Variants in DCAF12 observed in about 807,000 individuals in gnomAD.
The protein encoded by DCAF12 is DDB1- and CUL4-associated factor 12.
A neutral mutation model predicts 52.8 loss-of-function variants in DCAF12; 28 were observed. That is an observed-to-expected ratio of 0.53 (90% CI 0.39 to 0.73). The LOEUF is 0.73. Among genes scored for constraint, DCAF12 ranks in the 30% least tolerant of loss-of-function variants. The probability of loss-of-function intolerance (pLI) is 0.00; values close to 1 mark genes in which losing one functional copy is unlikely to be tolerated. For synonymous variants in DCAF12, 196 were observed against 215.5 expected, an observed-to-expected ratio of 0.91 and a Z score of 0.79; for missense variants, 425 against 552.2, an observed-to-expected ratio of 0.77 and a Z score of 2.31.
chr9:34,097,717 G>A (rs1828757434), intron 5 of DCAF12, among the ~76,000 whole-genome samples: 1 of 152,062 alleles, frequency 6.6e-6, no homozygotes, highest in Non-Finnish European at 1.5e-5. Context: ...TGGATCAACT[G>A]AGGTCAGGAG....
At chr9:34,088,829 GT>G (rs1380801046) in intron 8 of DCAF12, among the ~76,000 whole-genome samples, 6 of 152,170 alleles carry the variant, frequency 3.9e-5, no homozygotes. Flanking sequence ...TTCACTGGAG[GT>G]GGGGCGCAGT....
In DCAF12 at chr9:34,088,163, C is replaced by A; in HGVS notation, c.*187G>T. On this transcript the variant is annotated 3_prime_UTR_variant, in exon 9 of 9. Transcript: ENST00000361264. Reference sequence around the variant, plus strand: ...AAATTTTGATTACCAAAGGGGAAAACAAAAAGCAAAACAACTTTCAGATTT... The same window carrying A: ...AAATTTTGATTACCAAAGGGGAAAAAAAAAAGCAAAACAACTTTCAGATTT... 2.0e-6 allele frequency: 1 copy of A among 501,588 alleles called. No individual in the cohort carries two copies. The highest frequency in any genetic ancestry group is 3.2e-6 in the Non-Finnish European group (1 of 310,618). 31.1% of individuals were successfully genotyped at this position (501,588 alleles called of 1,614,324 possible). A position where few individuals can be genotyped will look rare whatever the true frequency, so the allele number is the denominator to read the frequency against.
intron 4 of DCAF12, among the ~76,000 whole-genome samples, chr9:34,105,028 C>T (rs1008934969): frequency 6.6e-6 from 1 of 150,712 alleles, no homozygotes; most frequent in Admixed American, 6.6e-5. Context: ...CCGAGGCAGG[C>T]GAATCACTGA....
In DCAF12 at chr9:34,107,394, G is replaced by T. The variant is rs767486773; in HGVS notation, c.505C>A (p.Arg169=). The T allele has an allele frequency of 1.9e-6, 3 of 1,614,116 alleles. No homozygotes were observed. The highest frequency in any genetic ancestry group is 3.3e-5 in the Admixed American group (2 of 59,994). ...GDNPNSLAIY[R]LPTLDPVCVG... ...CACACAGGATCCAGCGTAGGTAGTC[G>T]ATAGATGGCAAGACTGTTGGGGTTG... The change falls in exon 3 of 9, where the codon CGA becomes AGA. Residue 169 remains arginine (R), a synonymous_variant. Coordinates refer to ENST00000361264, the MANE Select transcript of DCAF12 (RefSeq NM_015397.4).
intron 7 of DCAF12, 40 bp from the exon 8 acceptor site, chr9:34,089,630 A>G: frequency 7.7e-6 from 12 of 1,552,002 alleles, no homozygotes; most frequent in South Asian, 1.2e-5. Context: ...GGCGGGAGAG[A>G]ATATTTGCTG....
In DCAF12 at chr9:34,125,077, A is replaced by G. The variant is rs763631249; in HGVS notation, c.279T>C (p.Phe93=). ...GCCTATGATTCAACCACTGAGATGC[A>G]AACACTTTATTAAGGGTCCCAAGGT... ...EFHLGTLNKV[F]ASQWLNHRQV... is the part of the protein sequence containing the mutation. Residue 93 remains phenylalanine (F), a synonymous_variant, in exon 2 of 9, where the codon TTT becomes TTC. Coordinates refer to ENST00000361264, the MANE Select transcript of DCAF12 (RefSeq NM_015397.4). 21 of 1,614,054 alleles carry G rather than the reference A, an allele frequency of 1.3e-5. No homozygotes were observed. Among genetic ancestry groups the G allele is most frequent in the Non-Finnish European group, 1.8e-5 (21 of 1,180,024 alleles).
chr9:34,092,762 C>T (rs114707756), intron 7 of DCAF12, among the ~76,000 whole-genome samples: 26 of 152,220 alleles, frequency 1.7e-4, no homozygotes, highest in African/African-American at 5.3e-4. Context: ...AATATCCTGA[C>T]TGGTGGCTCC....
chr9:34,121,719 C>T (rs1328981930), intron 2 of DCAF12, among the ~76,000 whole-genome samples: 7 of 152,140 alleles, frequency 4.6e-5, no homozygotes, highest in Non-Finnish European at 8.8e-5. Flanking sequence ...CCAAGGCAGG[C>T]GGATCACGAG....
At chr9:34,119,255 T>C (rs1385359896) in intron 2 of DCAF12, among the ~76,000 whole-genome samples, 2 of 152,182 alleles carry the variant, frequency 1.3e-5, no homozygotes, top group Non-Finnish European at 2.9e-5. Context: ...GAAATAACAG[T>C]TTTAAAAGAT....
At position 34,126,377 on chromosome 9, in the gene DCAF12, C is replaced by T. The variant is rs1250208179; in HGVS notation, c.55G>A (p.Gly19Arg). 1 of 1,612,260 alleles carries T rather than the reference C, an allele frequency of 6.2e-7. No homozygotes were observed. The highest frequency in any genetic ancestry group is 1.7e-5 in the Admixed American group (1 of 60,002). Residue 19 changes from glycine to arginine, a missense_variant, in exon 1 of 9, where the codon GGG becomes AGG. Physicochemically the swap from Gly to Arg is moderately radical, Grantham distance 125. Around this residue, in one of 3 missense-constraint regions of DCAF12, gnomAD observed 89 missense variants for 84.9 expected, o/e 1.05. Coordinates refer to ENST00000361264, the MANE Select transcript of DCAF12 (RefSeq NM_015397.4). ...ACCTGCGGGCCCTGAGCGTCGCTCC[C>T]AGCTCCCGGCGAGGCGGGCGCTTTC... is the stretch of plus-strand genomic sequence containing the variant. ...KRKAPASPGA[G>R]SDAQGPQFGW...
At chr9:34,104,356 G>A (rs1033297435) in intron 4 of DCAF12, among the ~76,000 whole-genome samples, 1 of 152,028 alleles carries the variant, frequency 6.6e-6, no homozygotes, top group Non-Finnish European at 1.5e-5. Flanking sequence ...AGAGACAAGG[G>A]CACATCTGGA....
chr9:34,095,362 C>T (rs1378720130), intron 6 of DCAF12, among the ~76,000 whole-genome samples: 5 of 142,096 alleles, frequency 3.5e-5, no homozygotes, highest in African/African-American at 1.0e-4. Flanking sequence ...CGTGAACCAC[C>T]GCGCCAGGCC....
intron 7 of DCAF12, among the ~76,000 whole-genome samples, chr9:34,090,567 G>C (rs916781390): frequency 1.3e-5 from 2 of 152,106 alleles, no homozygotes; most frequent in Admixed American, 1.3e-4. Flanking sequence ...TGTGGAACCA[G>C]TATTTCCTTA....
Position 34,118,354 on chromosome 9 carries a change from G to A in DCAF12, c.333+6669C>T, listed in dbSNP as rs984499601. Among the ~76,000 whole-genome samples, 13 of 152,016 alleles carry A rather than the reference G, an allele frequency of 8.6e-5. 1 individual carries two copies. The highest frequency in any genetic ancestry group is 5.2e-4 in the Admixed American group (8 of 15,244). On this transcript the variant is annotated intron_variant, in intron 2 of 8. Transcript: ENST00000361264. ...TCATCATGTTGGCCGGGCTGGTCTC[G>A]AACTCCTGGCCTCAAGTGATCCACC...
At chr9:34,126,187 C>T (rs547158626) in intron 1 of DCAF12, among the ~76,000 whole-genome samples, 167 bp downstream of exon 1, 68 of 152,344 alleles carry the variant, frequency 4.5e-4, no homozygotes, top group African/African-American at 1.6e-3. Flanking sequence ...CCTATCTGCC[C>T]TCCAGTTAAC....
chr9:34,099,698 A>T (rs1820633409), intron 4 of DCAF12, among the ~76,000 whole-genome samples: 1 of 151,432 alleles, frequency 6.6e-6, no homozygotes, highest in African/African-American at 2.4e-5. Context: ...GGTTCAAGCG[A>T]TTCTCCTGCC....
At position 34,089,588 on chromosome 9, in the gene DCAF12, T is replaced by C; in HGVS notation, c.1027A>G (p.Ile343Val). Reference sequence around the variant, plus strand: ...TGCTCGTAGAAACTCACTGACCGGATTCCTGAAAGACAGAAAAGTAAAAGG... The same window carrying C: ...TGCTCGTAGAAACTCACTGACCGGACTCCTGAAAGACAGAAAAGTAAAAGG... ...SVCSRERGSGIRSVSFYEHII... is the reference protein window; with the variant it reads ...SVCSRERGSGVRSVSFYEHII... The change falls in exon 8 of 9, where the codon ATC becomes GTC. Residue 343 changes from isoleucine (I) to valine (V), a missense_variant and splice_region_variant. Around this residue, in one of 3 missense-constraint regions of DCAF12, gnomAD observed 328 missense variants for 444.4 expected, o/e 0.74. Transcript: ENST00000361264. The C allele has an allele frequency of 1.9e-6, 3 of 1,601,354 alleles. No individual in the cohort carries two copies. The South Asian group carries it at 3.3e-5, about 18-fold the overall frequency.
At chr9:34,094,851 A>G (rs1395440106) in intron 6 of DCAF12, among the ~76,000 whole-genome samples, 1 of 151,816 alleles carries the variant, frequency 6.6e-6, no homozygotes, top group African/African-American at 2.4e-5. Context: ...ATATCTACAT[A>G]TATGTAAGGA....
chr9:34,097,148 C>T (rs1421996995), intron 5 of DCAF12, among the ~76,000 whole-genome samples: 2 of 151,808 alleles, frequency 1.3e-5, no homozygotes, highest in African/African-American at 2.4e-5. Context: ...ACCCTTAGGC[C>T]ATAAATACAG....
Sources: gnomAD v4.1 joint callset for allele counts (sites outside exome capture counted in the v4.1 genomes callset) on GRCh38, gnomAD v4.1.1 for gene constraint, gnomAD v4.1.1 regional missense constraint, MANE v1.5 for transcripts, NCBI Gene and HGNC (gene_info 2026-07-23, HGNC 2026-07-21) for gene names.